SH3BP4: variants seen among roughly 807,000 people sequenced by gnomAD.
The protein encoded by SH3BP4 is SH3 domain binding protein 4, also known as SH3 domain-binding protein 4.
Under a neutral mutation model 65.5 loss-of-function variants are expected in SH3BP4, and 33 were observed. The observed-to-expected ratio is 0.50, with a 90% CI of 0.38 to 0.67. SH3BP4 has a LOEUF of 0.67. Ranked by LOEUF, SH3BP4 falls within the 30% of genes least tolerant of loss-of-function variation. The pLI is 0.00. For missense variants in SH3BP4, 1,134 were observed against 1,261.4 expected (o/e 0.90, Z 1.53); for synonymous variants, 552 against 545.5 (o/e 1.01, Z -0.17).
intron 2 of SH3BP4, among the ~76,000 whole-genome samples, chr2:235,014,072 T>TA (rs1415171426): frequency 1.3e-5 from 2 of 152,294 alleles, no homozygotes; most frequent in East Asian, 1.9e-4. Flanking sequence ...TATTAGCTAT[T>TA]AAAGTATATG....
intron 2 of SH3BP4, among the ~76,000 whole-genome samples, chr2:234,998,523 A>G (rs1693998234): frequency 1.3e-5 from 2 of 152,352 alleles, no homozygotes; most frequent in Non-Finnish European, 2.9e-5. Flanking sequence ...CAAAGTTCCT[A>G]TCCCTTTGTG....
chr2:235,040,427 T>G (rs947321944), intron 3 of SH3BP4, among the ~76,000 whole-genome samples: 2 of 151,378 alleles, frequency 1.3e-5, no homozygotes, highest in African/African-American at 2.4e-5. Flanking sequence ...ATTGCGGGAG[T>G]TTTTGGAATC....
intron 2 of SH3BP4, among the ~76,000 whole-genome samples, chr2:235,018,656 C>T (rs910716668): frequency 2.0e-5 from 3 of 152,154 alleles, no homozygotes; most frequent in Non-Finnish European, 4.4e-5. Flanking sequence ...GAAAGGGAGG[C>T]AGGACTGGGG....
chr2:235,038,361 TATATAATATATATAC>T lies in SH3BP4; in HGVS notation c.119-2521_119-2507del, dbSNP rs1695499886. On this transcript the variant is annotated intron_variant, in intron 3 of 5. Coordinates refer to ENST00000392011, the MANE Select transcript of SH3BP4 (RefSeq NM_014521.3). Reference sequence around the variant, plus strand: ...ATAGTATATATATTTTATATATATATATATAATATATATACATATATATATATATATATATATATA... The same window carrying T: ...ATAGTATATATATTTTATATATATATATATATATATATATATATATATATA... Among the ~76,000 whole-genome samples, 9 of 22,552 alleles carry T rather than the reference TATATAATATATATAC, an allele frequency of 4.0e-4. 1 individual carries two copies. Among genetic ancestry groups the T allele is most frequent in the Non-Finnish European group, 5.6e-4 (8 of 14,402 alleles). The allele number at this position is 22,552 out of a possible 152,430, so 14.8% of individuals were successfully genotyped here.
At chr2:235,003,622 G>C (rs945897687) in intron 2 of SH3BP4, among the ~76,000 whole-genome samples, 1 of 152,314 alleles carries the variant, frequency 6.6e-6, no homozygotes, top group South Asian at 2.1e-4. Flanking sequence ...TCTGCTCACT[G>C]ACCTCTGTTG....
At chr2:234,987,145 C>A (rs145364936) in intron 1 of SH3BP4, among the ~76,000 whole-genome samples, 2 of 152,254 alleles carry the variant, frequency 1.3e-5, no homozygotes, top group Non-Finnish European at 2.9e-5. Flanking sequence ...AGGCCCACCC[C>A]AGACCTACAG....
At position 235,041,157 on chromosome 2, in the gene SH3BP4, G is replaced by A; in HGVS notation, c.388G>A (p.Asp130Asn). 6.2e-7 allele frequency: 1 copy of A among 1,614,196 alleles called. No individual in the cohort carries two copies. The highest frequency in any genetic ancestry group is 8.5e-7 in the Non-Finnish European group (1 of 1,180,046). ...SDSGMIDNLP[D>N]SPDEVAKELE... Reference sequence around the variant, plus strand: ...CAGCGGTATGATTGATAATCTTCCAGACAGCCCAGACGAGGTAGCCAAGGA... The same window carrying A: ...CAGCGGTATGATTGATAATCTTCCAAACAGCCCAGACGAGGTAGCCAAGGA... Residue 130 changes from aspartate (D) to asparagine (N), a missense_variant, in exon 4 of 6, where the codon GAC (aspartate) becomes AAC (asparagine). Physicochemically the swap from Asp to Asn is conservative, Grantham distance 23. Transcript: ENST00000392011. The surrounding 1 kb of genome is among the most constrained non-coding windows in gnomAD (Gnocchi z 6.0).
chr2:235,048,764 G>T (rs923393924), intron 4 of SH3BP4, among the ~76,000 whole-genome samples: 1 of 152,194 alleles, frequency 6.6e-6, no homozygotes, highest in Non-Finnish European at 1.5e-5. Context: ...TTCAGGCTTC[G>T]TGTGTCCCAC....
At chr2:234,990,132 G>A (rs1693704151) in intron 1 of SH3BP4, among the ~76,000 whole-genome samples, 1 of 152,242 alleles carries the variant, frequency 6.6e-6, no homozygotes, top group Non-Finnish European at 1.5e-5. Flanking sequence ...ATCTCATTGT[G>A]TATGTGCAGA....
chr2:235,007,937 CAG>C (rs1348847559), intron 2 of SH3BP4, among the ~76,000 whole-genome samples: 2 of 152,150 alleles, frequency 1.3e-5, no homozygotes, highest in African/African-American at 4.8e-5. Flanking sequence ...CAAGGGCAGT[CAG>C]GGGAGGAGAC....
intron 1 of SH3BP4, among the ~76,000 whole-genome samples, chr2:234,963,607 A>G (rs1305579194): frequency 2.0e-5 from 3 of 152,250 alleles, no homozygotes; most frequent in African/African-American, 7.2e-5. Context: ...GCACACATAC[A>G]TGCCAGCTTC....
At chr2:234,992,178 C>T (rs1302635198) in intron 1 of SH3BP4, among the ~76,000 whole-genome samples, 1 of 152,210 alleles carries the variant, frequency 6.6e-6, no homozygotes, top group Non-Finnish European at 1.5e-5. Context: ...AGGAGCACAG[C>T]AGCTTTTTGG....
chr2:234,984,012 G>C (rs906248768), intron 1 of SH3BP4, among the ~76,000 whole-genome samples: 1 of 152,214 alleles, frequency 6.6e-6, no homozygotes, highest in Non-Finnish European at 1.5e-5. Flanking sequence ...AGGGTTCTGC[G>C]GCTTTGAGGG....
intron 1 of SH3BP4, chr2:234,979,562 A>G (rs1299418850): frequency 1.3e-5 from 2 of 152,216 alleles, no homozygotes; most frequent in Admixed American, 1.3e-4. Context: ...GAGCCGAGCT[A>G]GCAACTTGCT....
rs982430806 is a variant in SH3BP4, at chr2:235,049,438, G to A, written c.2479-3124G>A. Among the ~76,000 whole-genome samples, 58 of 152,310 alleles carry A rather than the reference G, an allele frequency of 3.8e-4. 1 individual carries two copies. Among genetic ancestry groups the A allele is most frequent in the African/African-American group, 1.3e-3 (53 of 41,578 alleles). On this transcript the variant is annotated intron_variant, in intron 4 of 5. Coordinates refer to ENST00000392011, the MANE Select transcript of SH3BP4 (RefSeq NM_014521.3). ...AGCTTGGTGTGTGCTGAGTAGCCAC[G>A]AAAGAGCTGAGTTGGGGACATTGAG...
intron 1 of SH3BP4, among the ~76,000 whole-genome samples, chr2:234,968,516 T>G (rs1692897748): frequency 6.6e-6 from 1 of 152,160 alleles, no homozygotes; most frequent in East Asian, 1.9e-4. Flanking sequence ...TGAGAATGCC[T>G]TCAGTGTTTG....
chr2:235,007,938 A>G (rs1322572521), intron 2 of SH3BP4, among the ~76,000 whole-genome samples: 2 of 152,188 alleles, frequency 1.3e-5, no homozygotes, highest in Admixed American at 6.5e-5. Flanking sequence ...AAGGGCAGTC[A>G]GGGGAGGAGA....
chr2:235,024,285 C>T (rs1055550136), intron 2 of SH3BP4, among the ~76,000 whole-genome samples: 2 of 152,180 alleles, frequency 1.3e-5, no homozygotes, highest in Non-Finnish European at 1.5e-5. Context: ...CTCTCCTAAG[C>T]GACGCCCTGA....
rs191764486 is a variant in SH3BP4, at chr2:235,046,387, A to G, written c.2478+3140A>G. Among the ~76,000 whole-genome samples, 1 of 152,020 alleles carries G rather than the reference A, an allele frequency of 6.6e-6. No individual in the cohort carries two copies. Among genetic ancestry groups the G allele is most frequent in the African/African-American group, 2.4e-5 (1 of 41,464 alleles). ...AATTCAAGACCAGCCTGAGCAACAT[A>G]GTGAGGCTTCATCTCTCCAATTTTT... is the stretch of plus-strand genomic sequence containing the variant. On this transcript the variant is annotated intron_variant, in intron 4 of 5. Transcript: ENST00000392011. The surrounding 1 kb of genome is among the most constrained non-coding windows in gnomAD (Gnocchi z 4.2).
Sources: allele counts gnomAD v4.1 joint callset (sites outside exome capture counted in the v4.1 genomes callset), GRCh38; gene constraint gnomAD v4.1.1; non-coding constraint Gnocchi (gnomAD v3.1); transcripts MANE v1.5; gene names NCBI Gene and HGNC (gene_info 2026-07-23, HGNC 2026-07-21).